RBFOX1: variants seen among roughly 807,000 people sequenced by gnomAD.
RBFOX1 encodes RNA binding protein fox-1 homolog 1.
In RBFOX1, 8 loss-of-function variants were observed where a neutral mutation model predicts 57.7. The observed-to-expected ratio is 0.14, with a 90% CI of 0.08 to 0.25. RBFOX1 has a LOEUF of 0.25. Ranked by LOEUF, RBFOX1 falls within the 10% of genes least tolerant of loss-of-function variation. The pLI, the probability that RBFOX1 is intolerant of heterozygous loss-of-function variation, is 1.00. For missense variants in RBFOX1, 611 were observed against 548.5 expected, an observed-to-expected ratio of 1.11 and a Z score of -1.14; for synonymous variants, 326 against 222.4, an observed-to-expected ratio of 1.47 and a Z score of -4.15.
rs147043822 is a variant in RBFOX1 at position 5,720,766 on chromosome 16, C to T, written c.318+121805C>T. Among the ~76,000 whole-genome samples, 497 of 152,324 alleles carry T rather than the reference C, an allele frequency of 3.3e-3. 2 individuals carry two copies. The highest frequency in any genetic ancestry group is 0.01 in the African/African-American group (429 of 41,572). ...ATAAAAGGATTTATTTATGGACTCT[C>T]AGTTCTAGTCCATTAATCTGTATAT... On this transcript the variant is annotated intron_variant, in intron 3 of 19. Transcript: ENST00000641259.
chr16:7,457,102 G>T (rs1364067677), intron 4 of RBFOX1, among the ~76,000 whole-genome samples: 1 of 152,048 alleles, frequency 6.6e-6, no homozygotes, highest in African/African-American at 2.4e-5. Flanking sequence ...GGTCAGGCTG[G>T]TCTCGAACTC....
intron 2 of RBFOX1, among the ~76,000 whole-genome samples, chr16:6,605,132 G>A (rs190941791): frequency 1.8e-4 from 27 of 152,162 alleles, no homozygotes; most frequent in Non-Finnish European, 2.4e-4. Flanking sequence ...TCAGCTACTC[G>A]GGAAGCTAAG....
At chr16:6,409,692 G>T (rs1019061883) in intron 2 of RBFOX1, among the ~76,000 whole-genome samples, 1 of 152,248 alleles carries the variant, frequency 6.6e-6, no homozygotes, top group Non-Finnish European at 1.5e-5. Context: ...GGGGAAAAAG[G>T]TTTCGGCTAA....
At chr16:6,145,675 T>C (rs2096752357) in intron 1 of RBFOX1, among the ~76,000 whole-genome samples, 1 of 152,166 alleles carries the variant, frequency 6.6e-6, no homozygotes, top group Non-Finnish European at 1.5e-5. Flanking sequence ...AGGGAGTCTC[T>C]TGTACCTTAC....
chr16:7,067,417 G>T lies in RBFOX1; in HGVS notation c.27+15319G>T, dbSNP rs151248469. Among the ~76,000 whole-genome samples, 161 of 149,382 alleles carry T rather than the reference G, an allele frequency of 1.1e-3. 2 individuals are homozygous for T. In the East Asian group the frequency reaches 0.022, roughly 21 times the overall value. ...AAAACTGAAATGTCGCCAAGGCTGT[G>T]TTTCTTTTGGAGGCTCTAGGAGAGA... On this transcript the variant is annotated intron_variant, in intron 4 of 15. Transcript: ENST00000550418.
intron 3 of RBFOX1, among the ~76,000 whole-genome samples, chr16:6,949,836 C>T (rs544228422): frequency 6.6e-6 from 1 of 152,142 alleles, no homozygotes; most frequent in African/African-American, 2.4e-5. Context: ...AACATCTCTT[C>T]ACCCGGACAG....
intron 1 of RBFOX1, among the ~76,000 whole-genome samples, chr16:5,248,369 A>T (rs1212245625): frequency 6.6e-6 from 1 of 152,210 alleles, no homozygotes; most frequent in Non-Finnish European, 1.5e-5. Flanking sequence ...CTTGCAGGCA[A>T]CTGCACTGAG....
At chr16:5,950,998 C>G (rs970555385) in intron 4 of RBFOX1, among the ~76,000 whole-genome samples, 5 of 152,162 alleles carry the variant, frequency 3.3e-5, no homozygotes, top group African/African-American at 9.7e-5. Flanking sequence ...TCAAGTGTAA[C>G]TCACTTTTCA....
At chr16:7,577,636 G>A (rs1187274887) in intron 5 of RBFOX1, among the ~76,000 whole-genome samples, 1 of 152,224 alleles carries the variant, frequency 6.6e-6, no homozygotes, top group East Asian at 1.9e-4. Flanking sequence ...GGTGGCTCAC[G>A]CCTGTAGTCC....
intron 3 of RBFOX1, among the ~76,000 whole-genome samples, chr16:6,785,862 C>G (rs761774029): frequency 2.6e-5 from 4 of 152,168 alleles, no homozygotes; most frequent in South Asian, 4.1e-4. Context: ...CCATTAGACT[C>G]TAAAACTGAT....
At chr16:6,417,115 G>A (rs546705657) in intron 2 of RBFOX1, among the ~76,000 whole-genome samples, 7 of 152,112 alleles carry the variant, frequency 4.6e-5, no homozygotes, top group Non-Finnish European at 7.4e-5. Flanking sequence ...GGGTTCAAGC[G>A]ATTCTCCTGC....
intron 4 of RBFOX1, among the ~76,000 whole-genome samples, chr16:7,245,110 A>C (rs1480512445): frequency 6.6e-6 from 1 of 152,162 alleles, no homozygotes; most frequent in African/African-American, 2.4e-5. Flanking sequence ...ATGTCCATTT[A>C]ATTGTTGTTA....
At chr16:6,707,133 G>A (rs1218039715) in intron 3 of RBFOX1, among the ~76,000 whole-genome samples, 2 of 152,130 alleles carry the variant, frequency 1.3e-5, no homozygotes, top group East Asian at 3.9e-4. Flanking sequence ...TAATCCAGAT[G>A]TGATTTCTAT....
intron 1 of RBFOX1, among the ~76,000 whole-genome samples, chr16:5,335,535 G>A (rs75933073): frequency 0.012 from 1,891 of 152,290 alleles, 46 homozygotes; most frequent in African/African-American, 0.042. Context: ...TGTGTTCAGA[G>A]TTTTTCCCGT....
intron 2 of RBFOX1, among the ~76,000 whole-genome samples, chr16:6,492,689 A>C (rs1213115884): frequency 2.6e-5 from 4 of 152,248 alleles, no homozygotes; most frequent in African/African-American, 4.8e-5. Flanking sequence ...TCACTGCCGC[A>C]TTGTGAACAG....
intron 14 of RBFOX1, among the ~76,000 whole-genome samples, chr16:7,689,907 G>C (rs1222405968): frequency 1.3e-5 from 2 of 152,028 alleles, no homozygotes; most frequent in South Asian, 4.1e-4. Context: ...CCCTTTCTTG[G>C]ATACTGTATC....
intron 3 of RBFOX1, among the ~76,000 whole-genome samples, chr16:6,732,073 T>A (rs375009225): frequency 2.0e-5 from 3 of 152,298 alleles, no homozygotes; most frequent in East Asian, 3.9e-4. Flanking sequence ...CTATCCCTCT[T>A]TTAACCTTTC....
intron 4 of RBFOX1, among the ~76,000 whole-genome samples, chr16:7,372,626 A>G (rs1169276469): frequency 6.6e-6 from 1 of 152,140 alleles, no homozygotes; most frequent in Non-Finnish European, 1.5e-5. Context: ...TGCTAAGTGC[A>G]CAGAATGGTG....
chr16:7,663,316 C>T (rs1489029643), intron 12 of RBFOX1, among the ~76,000 whole-genome samples: 1 of 152,194 alleles, frequency 6.6e-6, no homozygotes, highest in Non-Finnish European at 1.5e-5. Flanking sequence ...CTGTAGCCCT[C>T]CCGGATCAAA....
Sources: gnomAD v4.1 joint callset for allele counts (sites outside exome capture counted in the v4.1 genomes callset) on GRCh38, gnomAD v4.1.1 for gene constraint, MANE v1.5 for transcripts, NCBI Gene and HGNC (gene_info 2026-07-23, HGNC 2026-07-21) for gene names.